The following RSRC1 variants were observed in gnomAD, a reference collection of about 807,000 sequenced individuals.
RSRC1 encodes serine/Arginine-related protein 53.
In RSRC1, 39 loss-of-function variants were observed where a neutral mutation model predicts 49.1. The observed-to-expected ratio is 0.79, with a 90% CI of 0.61 to 1.04. RSRC1 has a LOEUF of 1.04. Among genes scored for constraint, RSRC1 ranks in the 50% least tolerant of loss-of-function variants. The probability of loss-of-function intolerance (pLI) is 0.00; values close to 1 mark genes in which losing one functional copy is unlikely to be tolerated. For missense variants in RSRC1, 388 were observed against 402.4 expected (o/e 0.96, Z 0.31); for synonymous variants, 143 against 130.8 (o/e 1.09, Z -0.63).
Position 158,122,256 on chromosome 3 carries a change from G to T in RSRC1, c.152G>T (p.Trp51Leu). The T allele has an allele frequency of 6.3e-7, 1 of 1,599,264 alleles. No individual in the cohort carries two copies. The highest frequency in any genetic ancestry group is 8.5e-7 in the Non-Finnish European group (1 of 1,172,528). The change falls in exon 2 of 10, where the codon TGG becomes TTG. Residue 51 changes from tryptophan to leucine, a missense_variant. By Grantham distance (61) the Trp-to-Leu change is moderately conservative (BLOSUM62 -2). Transcript: ENST00000611884. ...AAATCAAGATCAAAGTCAAGATCTT[G>T]GTCCAGAGATCTTCAGCCTCGTTCA... ...GRKSRSKSRSWSRDLQPRSHS... is the reference protein window; with the variant it reads ...GRKSRSKSRSLSRDLQPRSHS...
At chr3:158,287,028 G>C (rs1726607486) in intron 4 of RSRC1, among the ~76,000 whole-genome samples, 1 of 152,078 alleles carries the variant, frequency 6.6e-6, no homozygotes, top group South Asian at 2.1e-4. Flanking sequence ...GGGTTTCACT[G>C]TGTTAGCCAG....
chr3:158,140,078 AC>A (rs1157262620), intron 3 of RSRC1, among the ~76,000 whole-genome samples: 1 of 152,182 alleles, frequency 6.6e-6, no homozygotes, highest in African/African-American at 2.4e-5. Flanking sequence ...TTACGAAATA[AC>A]CTATTAGCAT....
At chr3:158,415,451 C>T (rs1734692195) in intron 6 of RSRC1, among the ~76,000 whole-genome samples, 1 of 151,426 alleles carries the variant, frequency 6.6e-6, no homozygotes, top group South Asian at 2.1e-4. Flanking sequence ...AGTCAGACTG[C>T]CTGAATTAGC....
At chr3:158,533,926 A>G (rs1360202905) in intron 7 of RSRC1, among the ~76,000 whole-genome samples, 3 of 151,636 alleles carry the variant, frequency 2.0e-5, no homozygotes, top group African/African-American at 7.2e-5. Flanking sequence ...ATCTTCTCTC[A>G]TTTCACATGC....
intron 4 of RSRC1, among the ~76,000 whole-genome samples, chr3:158,260,579 A>G (rs1724835512): frequency 1.3e-5 from 2 of 152,174 alleles, no homozygotes; most frequent in South Asian, 4.1e-4. Flanking sequence ...GTGTCTCACC[A>G]GGTTGCGCGC....
intron 3 of RSRC1, among the ~76,000 whole-genome samples, chr3:158,139,292 T>A (rs1309100953): frequency 6.6e-6 from 1 of 151,906 alleles, no homozygotes; most frequent in Non-Finnish European, 1.5e-5. Context: ...TCCCAGCTAC[T>A]CAGGAGGCTA....
intron 7 of RSRC1, among the ~76,000 whole-genome samples, chr3:158,525,333 G>A (rs1338153871): frequency 1.3e-5 from 2 of 152,056 alleles, no homozygotes; most frequent in East Asian, 3.9e-4. Context: ...TCAGAGAAAT[G>A]CAAATTAAAA....
At chr3:158,230,376 T>C (rs1722881688) in intron 4 of RSRC1, among the ~76,000 whole-genome samples, 1 of 152,174 alleles carries the variant, frequency 6.6e-6, no homozygotes, top group African/African-American at 2.4e-5. Flanking sequence ...TTTGGCAGTC[T>C]AAGCAAAGAT....
At chr3:158,237,504 C>T (rs1233928174) in intron 4 of RSRC1, among the ~76,000 whole-genome samples, 1 of 152,188 alleles carries the variant, frequency 6.6e-6, no homozygotes, top group African/African-American at 2.4e-5. Context: ...TTGGTGTTGT[C>T]AGTCCTTTGA....
chr3:158,216,951 A>T (rs936792840), intron 4 of RSRC1, among the ~76,000 whole-genome samples: 2 of 151,788 alleles, frequency 1.3e-5, no homozygotes, highest in Non-Finnish European at 2.9e-5. Flanking sequence ...AAAGACTAGC[A>T]TCTGGCTTAC....
intron 6 of RSRC1, among the ~76,000 whole-genome samples, chr3:158,405,262 C>G (rs1207830251): frequency 6.6e-6 from 1 of 151,776 alleles, no homozygotes; most frequent in Admixed American, 6.6e-5. Context: ...CAACAAAATG[C>G]ACACAAATGT....
At chr3:158,290,099 C>T (rs1030095261) in intron 4 of RSRC1, among the ~76,000 whole-genome samples, 30 of 151,846 alleles carry the variant, frequency 2.0e-4, no homozygotes, top group African/African-American at 7.3e-4. Context: ...GTCAATTGGT[C>T]CATTATTAGG....
At chr3:158,478,471 T>C (rs1006525880) in intron 7 of RSRC1, among the ~76,000 whole-genome samples, 1 of 152,014 alleles carries the variant, frequency 6.6e-6, no homozygotes, top group Admixed American at 6.6e-5. Flanking sequence ...TGAGACTGTC[T>C]TAAATAAACA....
At position 158,534,396 on chromosome 3, in the gene RSRC1, C is replaced by T. The variant is rs74661940; in HGVS notation, c.653-2696C>T. Reference sequence around the variant, plus strand: ...AATTAGTTTGCTGCAAAAAACTCCACCTTCGTGTCAAACCACTTATTACTA... The same window carrying T: ...AATTAGTTTGCTGCAAAAAACTCCATCTTCGTGTCAAACCACTTATTACTA... On this transcript the variant is annotated intron_variant, in intron 7 of 9. Coordinates refer to ENST00000611884, the MANE Select transcript of RSRC1 (RefSeq NM_001271838.2). Among the ~76,000 whole-genome samples, 1,159 of 151,796 alleles carry T rather than the reference C, an allele frequency of 7.6e-3. 22 individuals carry two copies. Among genetic ancestry groups the T allele is most frequent in the African/African-American group, 0.027 (1,121 of 41,520 alleles).
intron 7 of RSRC1, among the ~76,000 whole-genome samples, chr3:158,498,637 C>G (rs1739455822): frequency 6.6e-6 from 1 of 152,182 alleles, no homozygotes; most frequent in African/African-American, 2.4e-5. Context: ...GTTGTGACAT[C>G]CTTGCCTAAA....
Position 158,324,250 on chromosome 3 carries a change from T to C in RSRC1, c.531+26175T>C, listed in dbSNP as rs868667784. On this transcript the variant is annotated intron_variant, in intron 5 of 9. Transcript: ENST00000611884. ...CATTGTGCAAATTTTTTTTTTATTATACTTTAAGTTCTAGGGTACATGTGC... is the reference window on the plus strand; with the variant it reads ...CATTGTGCAAATTTTTTTTTTATTACACTTTAAGTTCTAGGGTACATGTGC... 2.0e-5 allele frequency among the ~76,000 whole-genome samples: 3 copies of C among 151,886 alleles called. No individual in the cohort carries two copies. The South Asian group carries it at 6.2e-4, about 32-fold the overall frequency.
chr3:158,424,165 A>C (rs891091868), intron 6 of RSRC1, among the ~76,000 whole-genome samples: 17 of 152,264 alleles, frequency 1.1e-4, no homozygotes, highest in African/African-American at 3.9e-4. Flanking sequence ...CCAGTTTTCA[A>C]AGGGAATGCT....
At chr3:158,542,987 A>G (rs570521253) in intron 8 of RSRC1, among the ~76,000 whole-genome samples, 4 of 152,274 alleles carry the variant, frequency 2.6e-5, no homozygotes, top group Non-Finnish European at 5.9e-5. Context: ...TAGGCACGTA[A>G]GTACCAATTT....
chr3:158,483,009 C>T (rs1324001697), intron 7 of RSRC1, among the ~76,000 whole-genome samples: 5 of 151,954 alleles, frequency 3.3e-5, no homozygotes, highest in African/African-American at 9.7e-5. Flanking sequence ...TTAGAATCTA[C>T]AGACAGCTGA....
Sources: gnomAD v4.1 joint callset for allele counts (sites outside exome capture counted in the v4.1 genomes callset) on GRCh38, gnomAD v4.1.1 for gene constraint, MANE v1.5 for transcripts, NCBI Gene and HGNC (gene_info 2026-07-23, HGNC 2026-07-21) for gene names.